The following SYTL2 variants were observed in gnomAD, a reference collection of about 807,000 sequenced individuals.
The protein encoded by SYTL2 is synaptotagmin like 2, also known as synaptotagmin-like protein 2.
SYTL2 carries 165 observed loss-of-function variants against 198.7 expected under a neutral mutation model. The ratio of observed to expected loss-of-function variants is 0.83; its 90% CI spans 0.73 to 0.94. The LOEUF is 0.94. Among genes scored for constraint, SYTL2 ranks in the 40% least tolerant of loss-of-function variants. SYTL2 has a pLI of 0.00. For synonymous variants in SYTL2, 966 were observed against 917.7 expected (o/e 1.05, Z -0.95); for missense variants, 2,835 against 2,582.8 (o/e 1.10, Z -2.12).
intron 12 of SYTL2, among the ~76,000 whole-genome samples, chr11:85,711,888 A>T (rs1373947637): frequency 6.6e-6 from 1 of 152,178 alleles, no homozygotes; most frequent in Non-Finnish European, 1.5e-5. Flanking sequence ...ATTTTAACAC[A>T]TTTTTTAAAA....
chr11:85,828,150 T>A, the SYTL2 span, among the ~76,000 whole-genome samples: 1 of 152,160 alleles, frequency 6.6e-6, no homozygotes, highest in African/African-American at 2.4e-5. Context: ...CCATAAAACA[T>A]GCTGTTTGGT....
At chr11:85,741,900 A>T (rs909910713) in intron 4 of SYTL2, among the ~76,000 whole-genome samples, 4 of 152,218 alleles carry the variant, frequency 2.6e-5, no homozygotes, top group African/African-American at 9.6e-5. Context: ...AAGACTTACC[A>T]AATAGTGTTT....
In SYTL2 at chr11:85,721,059, T is replaced by C. The variant is rs183779832; in HGVS notation, c.5327-100A>G. On this transcript the variant is annotated intron_variant, in intron 8 of 19. Transcript: ENST00000359152. ...AATGGTAGGCTGAAAAGAGACATTA[T>C]GCTATGAGTTTCTACTTTAAGAAGC... is the stretch of plus-strand genomic sequence containing the variant. 5 of 681,986 alleles carry C rather than the reference T, an allele frequency of 7.3e-6. No individual in the cohort carries two copies. In the East Asian group the frequency reaches 8.1e-5, roughly 11 times the overall value. 42.2% of individuals were successfully genotyped at this position (681,986 alleles called of 1,614,324 possible). A position where few individuals can be genotyped will look rare whatever the true frequency, so the allele number is the denominator to read the frequency against.
rs1351349487 is a variant in SYTL2, at chr11:85,755,597, G to T, written c.101+2028C>A. Among the ~76,000 whole-genome samples the T allele has an allele frequency of 2.8e-4, 43 of 152,106 alleles. 1 individual carries two copies. The highest frequency in any genetic ancestry group is 2.8e-3 in the Admixed American group (43 of 15,264). ...GTTGTAGATTGGCTGATGCCAGAGG[G>T]TACACACTCACACCCCTTATAAGGC... is the stretch of plus-strand genomic sequence containing the variant. On this transcript the variant is annotated intron_variant, in intron 2 of 19. Coordinates refer to ENST00000359152, the MANE Select transcript of SYTL2 (RefSeq NM_206927.4).
At chr11:85,770,147 T>C (rs1208195189) in intron 1 of SYTL2, among the ~76,000 whole-genome samples, 1 of 152,314 alleles carries the variant, frequency 6.6e-6, no homozygotes, top group East Asian at 1.9e-4. Context: ...TTATTGCTGT[T>C]GGATTCGTAT....
chr11:85,793,829 G>A (rs757363673), intron 1 of SYTL2, among the ~76,000 whole-genome samples: 1 of 152,170 alleles, frequency 6.6e-6, no homozygotes, highest in African/African-American at 2.4e-5. Flanking sequence ...GCAAGCAATT[G>A]CATTTCCACA....
At chr11:85,803,362 C>A (rs2092916959) in intron 1 of SYTL2, among the ~76,000 whole-genome samples, 1 of 152,040 alleles carries the variant, frequency 6.6e-6, no homozygotes, top group African/African-American at 2.4e-5. Context: ...GTTGTGATGC[C>A]CCAAAATAAA....
At position 85,696,328 on chromosome 11, in the gene SYTL2, G is replaced by A. The variant is rs2083400647; in HGVS notation, c.6429C>T (p.Thr2143=). The change falls in exon 19 of 20, where the codon ACC becomes ACT. Residue 2143 remains threonine, a synonymous_variant. Transcript: ENST00000359152. ...SRQKTRAVGK[T]TNPIFNHTMV... is the part of the protein sequence containing the mutation. The stretch of plus-strand genomic sequence containing the variant: ...TAGTGTGGTTGAAGATAGGGTTGGT[G>A]GTTTTCCCTACAGCTCTTGTCTTCT... 6.2e-7 allele frequency: 1 copy of A among 1,613,966 alleles called. No individual in the cohort carries two copies. The highest frequency in any genetic ancestry group is 8.5e-7 in the Non-Finnish European group (1 of 1,179,904).
At chr11:85,843,062 G>A in the SYTL2 span, among the ~76,000 whole-genome samples, 1 of 152,172 alleles carries the variant, frequency 6.6e-6, no homozygotes, top group African/African-American at 2.4e-5. Flanking sequence ...TTTAGATCTG[G>A]AGGTGAGGAA....
chr11:85,816,480 G>A, the SYTL2 span, among the ~76,000 whole-genome samples: 1 of 152,214 alleles, frequency 6.6e-6, no homozygotes, highest in African/African-American at 2.4e-5. Flanking sequence ...GGGCTAGGGA[G>A]GAGAAGGTAA....
chr11:85,725,145 G>C lies in SYTL2; in HGVS notation c.4213C>G (p.Gln1405Glu), dbSNP rs201526301. 1 of 1,614,084 alleles carries C rather than the reference G, an allele frequency of 6.2e-7. No homozygotes were observed. The highest frequency in any genetic ancestry group is 1.7e-5 in the Admixed American group (1 of 60,024). ...EVNPEFPEAV[Q>E]PVCSPLNPPG... is the part of the protein sequence containing the mutation. ...GGATTTAGGGGGCTACATACTGGCT[G>C]TACTGCTTCAGGAAATTCTGGGTTC... Residue 1405 changes from glutamine to glutamate, a missense_variant, in exon 8 of 20, where the codon CAG becomes GAG. Gln to Glu is a conservative substitution (Grantham distance 29, BLOSUM62 2). Coordinates refer to ENST00000359152, the MANE Select transcript of SYTL2 (RefSeq NM_206927.4).
chr11:85,789,123 C>T (rs2092682197), intron 1 of SYTL2, among the ~76,000 whole-genome samples: 1 of 150,118 alleles, frequency 6.7e-6, no homozygotes. Context: ...ATTTATTTAT[C>T]ATTTTGAGAT....
intron 1 of SYTL2, among the ~76,000 whole-genome samples, chr11:85,787,319 T>C (rs1398498108): frequency 6.6e-6 from 1 of 152,224 alleles, no homozygotes; most frequent in Non-Finnish European, 1.5e-5. Context: ...CACTAGATGA[T>C]CACTAAATGT....
chr11:85,849,828 T>G, the SYTL2 span, among the ~76,000 whole-genome samples: 2 of 135,772 alleles, frequency 1.5e-5, no homozygotes, highest in African/African-American at 5.5e-5. Flanking sequence ...GTGAAGAAAG[T>G]CATTGGTAGC....
At chr11:85,822,887 T>C in the SYTL2 span, among the ~76,000 whole-genome samples, 1 of 152,190 alleles carries the variant, frequency 6.6e-6, no homozygotes, top group African/African-American at 2.4e-5. Context: ...CAAAAAGCAA[T>C]GACTTCCCAA....
the SYTL2 span, among the ~76,000 whole-genome samples, chr11:85,820,019 G>A: frequency 7.3e-4 from 111 of 152,280 alleles, no homozygotes; most frequent in African/African-American, 2.5e-3. Flanking sequence ...AATACAAAGC[G>A]CAGATCATTT....
chr11:85,775,885 G>T (rs1418806136), intron 1 of SYTL2, among the ~76,000 whole-genome samples: 1 of 152,224 alleles, frequency 6.6e-6, no homozygotes, highest in East Asian at 1.9e-4. Flanking sequence ...TGTAAAGGAA[G>T]AGAAGAACTA....
At chr11:85,747,328 T>C (rs2091221886) in intron 3 of SYTL2, among the ~76,000 whole-genome samples, 1 of 151,556 alleles carries the variant, frequency 6.6e-6, no homozygotes, top group African/African-American at 2.4e-5. Context: ...TGCCATGATA[T>C]AAGGAATACG....
At chr11:85,797,034 A>T (rs1481700) in intron 1 of SYTL2, among the ~76,000 whole-genome samples, 68,373 of 151,600 alleles carry the variant, frequency 0.45, 16,245 homozygotes, top group African/African-American at 0.59. Flanking sequence ...ATAAAAAAAA[A>T]TTTTAAATGA....
Sources: gnomAD v4.1 joint callset for allele counts (sites outside exome capture counted in the v4.1 genomes callset) on GRCh38, gnomAD v4.1.1 for gene constraint, MANE v1.5 for transcripts, NCBI Gene and HGNC (gene_info 2026-07-23, HGNC 2026-07-21) for gene names.